The following SPIDR variants were observed in gnomAD, a reference collection of about 807,000 sequenced individuals.
SPIDR encodes DNA repair-scaffolding protein.
A neutral mutation model predicts 104.6 loss-of-function variants in SPIDR; 93 were observed. That is an observed-to-expected ratio of 0.89 (90% CI 0.75 to 1.06). The LOEUF (loss-of-function observed/expected upper bound fraction) is 1.06. SPIDR is among the 50% of genes least tolerant of loss of function. The probability of loss-of-function intolerance (pLI) is 0.00; values close to 1 mark genes in which losing one functional copy is unlikely to be tolerated. For missense variants in SPIDR, 1,154 were observed against 1,111.2 expected (o/e 1.04, Z -0.55); for synonymous variants, 431 against 416.9 (o/e 1.03, Z -0.41).
At chr8:47,683,996 C>T (rs531244170) in intron 11 of SPIDR, among the ~76,000 whole-genome samples, 8 of 151,610 alleles carry the variant, frequency 5.3e-5, no homozygotes, top group Non-Finnish European at 1.0e-4. Flanking sequence ...CATAGAGGCA[C>T]GTGCCTGTAC....
intron 8 of SPIDR, among the ~76,000 whole-genome samples, chr8:47,502,046 C>T (rs2080561160): frequency 6.6e-6 from 1 of 152,134 alleles, no homozygotes; most frequent in African/African-American, 2.4e-5. Context: ...TTCGGTTTGC[C>T]AGTATTTTAT....
At chr8:47,409,891 G>T (rs545415927) in intron 7 of SPIDR, among the ~76,000 whole-genome samples, 1 of 152,064 alleles carries the variant, frequency 6.6e-6, no homozygotes. Context: ...AACTGTACGT[G>T]GTGGCACACG....
intron 7 of SPIDR, among the ~76,000 whole-genome samples, chr8:47,422,022 CAG>C (rs1290843385): frequency 1.3e-5 from 2 of 152,322 alleles, no homozygotes; most frequent in Non-Finnish European, 2.9e-5. Context: ...TGCCCCTACT[CAG>C]GGGTGCCTCA....
Position 47,440,410 on chromosome 8 carries a change from G to T in SPIDR, c.965G>T (p.Gly322Val). ...MQVAMCEQLL[G>V]SPATSSSQSV... ...GTTGCCATGTGTGAGCAGTTATTGG[G>T]GTCACCAGCCACCAGCTCCTCCCAA... Residue 322 changes from glycine to valine, a missense_variant, in exon 8 of 20, where the codon GGG (glycine) becomes GTG (valine). Physicochemically the swap from Gly to Val is moderately radical, Grantham distance 109 (BLOSUM62 -3). Transcript: ENST00000297423. 1 of 1,614,210 alleles carries T rather than the reference G, an allele frequency of 6.2e-7. No homozygotes were observed. Among genetic ancestry groups the T allele is most frequent in the Non-Finnish European group, 8.5e-7 (1 of 1,180,022 alleles).
chr8:47,325,200 TAA>T (rs1180876033), intron 5 of SPIDR, among the ~76,000 whole-genome samples: 24 of 152,258 alleles, frequency 1.6e-4, no homozygotes, highest in African/African-American at 5.8e-4. Context: ...AGCAAAAAAA[TAA>T]GTTTGCTTTT....
chr8:47,294,196 T>A, intron 5 of SPIDR, 166 bp downstream of exon 5: 1 of 833,018 alleles, frequency 1.2e-6, no homozygotes, highest in Non-Finnish European at 1.8e-6. Flanking sequence ...AATAACATGC[T>A]TGTGCTGTAC....
chr8:47,377,823 C>T (rs1362775061), intron 5 of SPIDR, among the ~76,000 whole-genome samples: 2 of 152,306 alleles, frequency 1.3e-5, no homozygotes, highest in African/African-American at 4.8e-5. Context: ...ACTCAGCCTG[C>T]TAATTCATTC....
At chr8:47,600,073 A>G (rs2062072408) in intron 10 of SPIDR, among the ~76,000 whole-genome samples, 1 of 152,202 alleles carries the variant, frequency 6.6e-6, no homozygotes. Flanking sequence ...TAGCCTTTTG[A>G]AGTTATCTCT....
chr8:47,377,917 T>C (rs2154298639), intron 5 of SPIDR, among the ~76,000 whole-genome samples: 1 of 152,352 alleles, frequency 6.6e-6, no homozygotes, highest in East Asian at 1.9e-4. Flanking sequence ...TATTACAAAA[T>C]GTCCTTTTAG....
At chr8:47,725,708 A>G (rs1471990846) in intron 16 of SPIDR, among the ~76,000 whole-genome samples, 1 of 152,192 alleles carries the variant, frequency 6.6e-6, no homozygotes, top group African/African-American at 2.4e-5. Context: ...ATGTTTAATC[A>G]TACACTTCCC....
At chr8:47,404,709 T>A (rs1183821711) in intron 6 of SPIDR, among the ~76,000 whole-genome samples, 1 of 151,816 alleles carries the variant, frequency 6.6e-6, no homozygotes, top group Admixed American at 6.5e-5. Flanking sequence ...CAACGGGTGC[T>A]GGAGAGGATG....
At chr8:47,676,336 T>C (rs2154473485) in intron 11 of SPIDR, among the ~76,000 whole-genome samples, 1 of 152,348 alleles carries the variant, frequency 6.6e-6, no homozygotes, top group South Asian at 2.1e-4. Context: ...GAGATTATTT[T>C]ATATATTTAA....
chr8:47,278,674 C>T (rs1161849954), intron 1 of SPIDR, among the ~76,000 whole-genome samples: 1 of 152,052 alleles, frequency 6.6e-6, no homozygotes, highest in Admixed American at 6.6e-5. Flanking sequence ...GTGGCAGGCT[C>T]TCGGCTCATT....
At position 47,709,943 on chromosome 8, in the gene SPIDR, T is replaced by C. The variant is rs2081615296; in HGVS notation, c.1978-2719T>C. On this transcript the variant is annotated intron_variant, in intron 14 of 19. Transcript: ENST00000297423. ...TCAGGCTGGAGTTGCAGTGGTATGA[T>C]CTCAGCACACTGCAACCTCCGCCTA... Among the ~76,000 whole-genome samples the C allele has an allele frequency of 2.0e-5, 3 of 150,810 alleles. No homozygotes were observed. The Admixed American group carries it at 2.0e-4, about 10-fold the overall frequency.
intron 14 of SPIDR, 66 bp downstream of exon 14, chr8:47,702,081 T>G (rs3885622): frequency 2.9e-6 from 1 of 343,426 alleles, no homozygotes; most frequent in Non-Finnish European, 4.6e-6. Context: ...TCTCTCTCTC[T>G]CTCTCTCTCT....
chr8:47,405,706 T>C (rs542794590), intron 6 of SPIDR, among the ~76,000 whole-genome samples: 5 of 152,344 alleles, frequency 3.3e-5, no homozygotes, highest in East Asian at 1.9e-4. Flanking sequence ...TTGGCCTTTA[T>C]AAATAACTTA....
intron 8 of SPIDR, among the ~76,000 whole-genome samples, chr8:47,447,478 T>C (rs2070878407): frequency 6.6e-6 from 1 of 152,104 alleles, no homozygotes; most frequent in Non-Finnish European, 1.5e-5. Flanking sequence ...ACTCCCAAAG[T>C]GCTGGGACTA....
chr8:47,558,703 G>A (rs781364925), intron 8 of SPIDR, among the ~76,000 whole-genome samples: 1 of 151,902 alleles, frequency 6.6e-6, no homozygotes, highest in Non-Finnish European at 1.5e-5. Flanking sequence ...GCAGTGGCAC[G>A]ATCTCAGCTC....
intron 5 of SPIDR, among the ~76,000 whole-genome samples, chr8:47,309,287 T>C (rs924872393): frequency 1.3e-5 from 2 of 152,204 alleles, no homozygotes; most frequent in African/African-American, 4.8e-5. Flanking sequence ...AGTGTGTTCT[T>C]ATGGTAAAAA....
Sources: allele counts gnomAD v4.1 joint callset (sites outside exome capture counted in the v4.1 genomes callset), GRCh38; gene constraint gnomAD v4.1.1; transcripts MANE v1.5; gene names NCBI Gene and HGNC (gene_info 2026-07-23, HGNC 2026-07-21).